RBMS3: variants seen among roughly 807,000 people sequenced by gnomAD.
RBMS3 encodes the protein RNA-binding motif, single-stranded-interacting protein 3.
RBMS3 carries 27 observed loss-of-function variants against 66.8 expected under a neutral mutation model. That is an observed-to-expected ratio of 0.40 (90% CI 0.30 to 0.56). RBMS3 has a LOEUF of 0.56. Among genes scored for constraint, RBMS3 ranks in the 20% least tolerant of loss-of-function variants. The probability of loss-of-function intolerance (pLI) is 0.40; values close to 1 mark genes in which losing one functional copy is unlikely to be tolerated. For missense variants in RBMS3, 513 were observed against 549.5 expected (o/e 0.93, Z 0.66); for synonymous variants, 188 against 183.0 (o/e 1.03, Z -0.22).
chr3:29,890,240 A>G (rs573679792), intron 8 of RBMS3, among the ~76,000 whole-genome samples: 1 of 151,764 alleles, frequency 6.6e-6, no homozygotes, highest in African/African-American at 2.4e-5. Context: ...ATGTCACACA[A>G]ATATATACTG....
At chr3:29,864,987 AGGAAGGAAG>A (rs1383898638) in intron 6 of RBMS3, among the ~76,000 whole-genome samples, 1 of 89,586 alleles carries the variant, frequency 1.1e-5, no homozygotes, top group African/African-American at 4.7e-5. Flanking sequence ...GGAGGGAGGA[AGGAAGGAAG>A]GGAAGGGAAA....
intron 9 of RBMS3, 53 bp from the exon 10 acceptor site, chr3:29,899,652 A>G (rs775778119): frequency 1.4e-5 from 22 of 1,551,042 alleles, no homozygotes; most frequent in Middle Eastern, 1.7e-4. Flanking sequence ...GAACACAAGA[A>G]CCAAGTTCTC....
chr3:29,333,093 G>A (rs974250629), intron 1 of RBMS3, among the ~76,000 whole-genome samples: 1 of 151,868 alleles, frequency 6.6e-6, no homozygotes, highest in African/African-American at 2.4e-5. Context: ...TTTTCATTAG[G>A]ATTCCTCTTA....
At chr3:29,568,257 G>C (rs966523013) in intron 3 of RBMS3, among the ~76,000 whole-genome samples, 10 of 152,086 alleles carry the variant, frequency 6.6e-5, no homozygotes, top group Non-Finnish European at 1.2e-4. Flanking sequence ...AAAGAGACAG[G>C]GAAGGAGAGC....
chr3:29,740,651 A>T (rs769901259), intron 5 of RBMS3, among the ~76,000 whole-genome samples: 3 of 152,206 alleles, frequency 2.0e-5, no homozygotes, highest in Non-Finnish European at 4.4e-5. Flanking sequence ...TCTTGTCTCT[A>T]TGGCTTGGTA....
chr3:29,662,951 G>C (rs942134176), intron 4 of RBMS3, among the ~76,000 whole-genome samples: 1 of 152,126 alleles, frequency 6.6e-6, no homozygotes, highest in Non-Finnish European at 1.5e-5. Flanking sequence ...GGGGATTTTT[G>C]GTGTAAATGT....
At chr3:29,747,390 G>GTAAA (rs1553655866) in intron 5 of RBMS3, among the ~76,000 whole-genome samples, 2 of 141,160 alleles carry the variant, frequency 1.4e-5, no homozygotes, top group African/African-American at 5.5e-5. Context: ...AGGTAGGTAG[G>GTAAA]TAGATAGATA....
intron 1 of RBMS3, among the ~76,000 whole-genome samples, chr3:29,355,035 A>G (rs2037136270): frequency 6.6e-6 from 1 of 152,146 alleles, no homozygotes; most frequent in Non-Finnish European, 1.5e-5. Context: ...GTGCCTGGTT[A>G]GCTAGGATGT....
intron 2 of RBMS3, among the ~76,000 whole-genome samples, chr3:29,437,816 T>C (rs6787930): frequency 2.9e-4 from 44 of 152,354 alleles, no homozygotes; most frequent in African/African-American, 1.1e-3. Context: ...CTTTTATGTT[T>C]TCTTCATTCT....
chr3:29,517,309 A>T (rs13324592), intron 3 of RBMS3, among the ~76,000 whole-genome samples: 4 of 119,248 alleles, frequency 3.4e-5, no homozygotes, highest in Non-Finnish European at 6.7e-5. Context: ...GTGTGTGTGT[A>T]TATATATATA....
chr3:29,693,628 C>T (rs550313423), intron 4 of RBMS3, among the ~76,000 whole-genome samples: 1 of 152,176 alleles, frequency 6.6e-6, no homozygotes, highest in East Asian at 1.9e-4. Flanking sequence ...AGATTAACTA[C>T]TATTAGCATA....
Position 29,450,984 on chromosome 3 carries a change from G to C in RBMS3, c.248+16069G>C, listed in dbSNP as rs550697704. The stretch of plus-strand genomic sequence containing the variant: ...ATGCTTGTCAACACTTTCATATTTG[G>C]GAGCTGTAATTTCCTCAAAGGTAGG... On this transcript the variant is annotated intron_variant, in intron 2 of 14. Coordinates refer to ENST00000383767, the MANE Select transcript of RBMS3 (RefSeq NM_001003793.3). 1.0e-3 allele frequency among the ~76,000 whole-genome samples: 159 copies of C among 151,620 alleles called. 3 individuals are homozygous for C. The highest frequency in any genetic ancestry group is 3.7e-3 in the Admixed American group (56 of 15,164).
chr3:29,764,085 A>T (rs7340606), intron 6 of RBMS3, among the ~76,000 whole-genome samples: 72,669 of 151,818 alleles, frequency 0.48, 18,030 homozygotes, highest in African/African-American at 0.61. Context: ...AAAGAGAAAT[A>T]TTTTTGTGGA....
chr3:29,402,505 T>A (rs1298894276), intron 1 of RBMS3, among the ~76,000 whole-genome samples: 1 of 152,096 alleles, frequency 6.6e-6, no homozygotes, highest in Non-Finnish European at 1.5e-5. Flanking sequence ...AGTAAAATTA[T>A]CTAGTAGTTA....
intron 4 of RBMS3, among the ~76,000 whole-genome samples, chr3:29,663,051 T>G (rs1031453066): frequency 2.0e-5 from 3 of 152,184 alleles, no homozygotes; most frequent in Admixed American, 2.0e-4. Flanking sequence ...GTTCTATTTT[T>G]CTTGCTTGTT....
At chr3:29,509,830 GAAC>G (rs771825848) in intron 3 of RBMS3, among the ~76,000 whole-genome samples, 3 of 152,186 alleles carry the variant, frequency 2.0e-5, no homozygotes. Flanking sequence ...CACCTATTCA[GAAC>G]AACAACAAAG....
chr3:29,813,789 G>A (rs373191681), intron 6 of RBMS3, among the ~76,000 whole-genome samples: 15 of 152,026 alleles, frequency 9.9e-5, no homozygotes, highest in African/African-American at 3.6e-4. Context: ...TTTGTCTGTT[G>A]TTGGTGTATA....
rs569463657 is a variant in RBMS3 at position 29,531,651 on chromosome 3, G to A, written c.307+43152G>A. Among the ~76,000 whole-genome samples, 8 of 152,240 alleles carry A rather than the reference G, an allele frequency of 5.3e-5. No individual in the cohort carries two copies. The South Asian group carries it at 1.2e-3, about 24-fold the overall frequency. The stretch of plus-strand genomic sequence containing the variant: ...TCTGATGTTTTTGTTGTTAATAACC[G>A]CCCTTCCCTTGGTGTTTGAGCATCT... On this transcript the variant is annotated intron_variant, in intron 3 of 14. Transcript: ENST00000383767.
intron 3 of RBMS3, among the ~76,000 whole-genome samples, chr3:29,549,545 G>A (rs1469462096): frequency 2.6e-5 from 4 of 151,614 alleles, no homozygotes; most frequent in African/African-American, 4.9e-5. Flanking sequence ...GACTATAGGC[G>A]CCCACCACCA....
Sources: allele counts gnomAD v4.1 joint callset (sites outside exome capture counted in the v4.1 genomes callset), GRCh38; gene constraint gnomAD v4.1.1; transcripts MANE v1.5; gene names NCBI Gene and HGNC (gene_info 2026-07-23, HGNC 2026-07-21).